Variants in CACNA2D1 observed in about 807,000 individuals in gnomAD.
CACNA2D1 encodes voltage-dependent calcium channel subunit alpha-2/delta-1.
CACNA2D1 carries 53 observed loss-of-function variants against 171.5 expected under a neutral mutation model. The observed-to-expected ratio is 0.31, with a 90% confidence interval of 0.25 to 0.39. The LOEUF (loss-of-function observed/expected upper bound fraction) is 0.39. Ranked by LOEUF, CACNA2D1 falls within the 10% of genes least tolerant of loss-of-function variation. The pLI, the probability that CACNA2D1 is intolerant of heterozygous loss-of-function variation, is 1.00. For synonymous variants in CACNA2D1, 442 were observed against 443.1 expected, an observed-to-expected ratio of 1.00 and a Z score of 0.03; for missense variants, 903 against 1,299.8, an observed-to-expected ratio of 0.69 and a Z score of 4.69.
chr7:82,002,140 C>T (rs1039132860), intron 18 of CACNA2D1, among the ~76,000 whole-genome samples: 3 of 151,556 alleles, frequency 2.0e-5, no homozygotes, highest in Admixed American at 2.0e-4. Context: ...TTGAAATCCT[C>T]ATCTCCAGAG....
chr7:82,196,751 AGATAAAGAC>A (rs1283478735), intron 3 of CACNA2D1, among the ~76,000 whole-genome samples: 1 of 152,012 alleles, frequency 6.6e-6, no homozygotes, highest in Non-Finnish European at 1.5e-5. Context: ...TAAGAGAGAT[AGATAAAGAC>A]GATTCAGGAT....
chr7:82,136,692 A>G lies in CACNA2D1; in HGVS notation c.355-16T>C. On this transcript the variant is annotated splice_polypyrimidine_tract_variant and intron_variant, in intron 4 of 38. Transcript: ENST00000356860. ...CTTCATTGCTCTACAAAAAAAAAAG[A>G]ACGCTTTATTGATTTTAATAAAAAC... 6.6e-7 allele frequency: 1 copy of G among 1,515,140 alleles called. No homozygotes were observed. The highest frequency in any genetic ancestry group is 9.0e-7 in the Non-Finnish European group (1 of 1,106,490). The allele number at this position is 1,515,140 out of a possible 1,614,324, so 93.9% of individuals were successfully genotyped here. A position where few individuals can be genotyped will look rare whatever the true frequency, so the allele number is the denominator to read the frequency against.
intron 3 of CACNA2D1, among the ~76,000 whole-genome samples, chr7:82,328,344 G>T (rs897182658): frequency 2.0e-5 from 3 of 151,904 alleles, no homozygotes; most frequent in Non-Finnish European, 4.4e-5. Flanking sequence ...CATTTTTATT[G>T]GGCCTCATTT....
intron 3 of CACNA2D1, among the ~76,000 whole-genome samples, chr7:82,277,355 C>G (rs1563298331): frequency 6.6e-6 from 1 of 152,062 alleles, no homozygotes; most frequent in African/African-American, 2.4e-5. Flanking sequence ...GTGCCCACCA[C>G]CACGCCCAGA....
chr7:82,139,763 CTAAG>C (rs971261651), intron 4 of CACNA2D1, among the ~76,000 whole-genome samples: 33 of 150,368 alleles, frequency 2.2e-4, no homozygotes, highest in African/African-American at 3.4e-4. Flanking sequence ...TTTCTTGTTA[CTAAG>C]TATTTGACAT....
At chr7:81,960,548 A>C (rs1793983933) in intron 36 of CACNA2D1, among the ~76,000 whole-genome samples, 1 of 152,118 alleles carries the variant, frequency 6.6e-6, no homozygotes, top group South Asian at 2.1e-4. Flanking sequence ...CAACATAAAA[A>C]ATGTAAATAT....
At chr7:82,139,815 C>T (rs1177226998) in intron 4 of CACNA2D1, among the ~76,000 whole-genome samples, 1 of 149,364 alleles carries the variant, frequency 6.7e-6, no homozygotes, top group Non-Finnish European at 1.5e-5. Flanking sequence ...GATGAAGTCT[C>T]GCTCTATCGC....
At chr7:82,027,867 C>G (rs1031005474) in intron 12 of CACNA2D1, 2 of 151,750 alleles carry the variant, frequency 1.3e-5, no homozygotes, top group African/African-American at 4.8e-5. Context: ...CTGAAGCTGG[C>G]AGAGGTTGGC....
chr7:82,157,894 T>C (rs1405031605), intron 4 of CACNA2D1, among the ~76,000 whole-genome samples: 1 of 152,010 alleles, frequency 6.6e-6, no homozygotes, highest in African/African-American at 2.4e-5. Context: ...TGTTGAGTTC[T>C]AAGGTAACAA....
intron 3 of CACNA2D1, among the ~76,000 whole-genome samples, chr7:82,218,413 G>A (rs949519591): frequency 5.3e-5 from 8 of 152,198 alleles, no homozygotes; most frequent in Admixed American, 3.9e-4. Flanking sequence ...AGACCAAGAA[G>A]CAGTAAGCCT....
intron 2 of CACNA2D1, among the ~76,000 whole-genome samples, chr7:82,346,527 A>G (rs964546845): frequency 6.8e-6 from 1 of 147,822 alleles, no homozygotes; most frequent in South Asian, 2.2e-4. Context: ...TTCTTCAGTT[A>G]GAAGACCATG....
intron 7 of CACNA2D1, among the ~76,000 whole-genome samples, chr7:82,068,146 G>C (rs1385066045): frequency 6.6e-6 from 1 of 152,142 alleles, no homozygotes; most frequent in Non-Finnish European, 1.5e-5. Context: ...ATTCTCCAGA[G>C]CTCAGCTCCT....
intron 36 of CACNA2D1, among the ~76,000 whole-genome samples, 161 bp downstream of exon 36, chr7:81,961,730 TTGC>T (rs1794148024): frequency 1.3e-5 from 2 of 152,026 alleles, no homozygotes; most frequent in East Asian, 3.9e-4. Context: ...AAACTAAAGA[TTGC>T]TGACATTTTC....
At chr7:81,994,646 C>A (rs533775573) in intron 20 of CACNA2D1, among the ~76,000 whole-genome samples, 2 of 151,626 alleles carry the variant, frequency 1.3e-5, no homozygotes, top group Admixed American at 6.6e-5. Context: ...CATCAAGAAA[C>A]CTAAAGCAAT....
intron 3 of CACNA2D1, among the ~76,000 whole-genome samples, chr7:82,235,200 T>A (rs1803422846): frequency 6.6e-6 from 1 of 152,106 alleles, no homozygotes; most frequent in Admixed American, 6.6e-5. Flanking sequence ...TACAAAGCAA[T>A]AAACGTTTTG....
chr7:82,327,380 A>T (rs1816780684), intron 3 of CACNA2D1, among the ~76,000 whole-genome samples: 1 of 152,202 alleles, frequency 6.6e-6, no homozygotes, highest in African/African-American at 2.4e-5. Context: ...AGGAGGAAAA[A>T]TAAATCCACA....
intron 4 of CACNA2D1, among the ~76,000 whole-genome samples, chr7:82,160,990 T>A (rs1376650377): frequency 1.3e-5 from 2 of 152,030 alleles, no homozygotes; most frequent in African/African-American, 4.8e-5. Flanking sequence ...ATATATGTTT[T>A]ATGTGACACG....
At chr7:82,021,399 G>A (rs1226535452) in intron 12 of CACNA2D1, among the ~76,000 whole-genome samples, 2 of 151,998 alleles carry the variant, frequency 1.3e-5, no homozygotes, top group African/African-American at 4.8e-5. Flanking sequence ...ACATATATAA[G>A]AACATCTATA....
At chr7:82,300,117 C>T (rs75106636) in intron 3 of CACNA2D1, among the ~76,000 whole-genome samples, 2,916 of 152,000 alleles carry the variant, frequency 0.019, 72 homozygotes, top group Middle Eastern at 0.065. Context: ...TAAACAACAT[C>T]GTCAAGCAGG....
Sources: gnomAD v4.1 joint callset for allele counts (sites outside exome capture counted in the v4.1 genomes callset) on GRCh38, gnomAD v4.1.1 for gene constraint, MANE v1.5 for transcripts, NCBI Gene and HGNC (gene_info 2026-07-23, HGNC 2026-07-21) for gene names.